The following ERC1 variants were observed in gnomAD, a reference collection of about 807,000 sequenced individuals.
The protein encoded by ERC1 is ELKS/RAB6-interacting/CAST family member 1, also known as RAB6 interacting protein 2.
Under a neutral mutation model 132.0 loss-of-function variants are expected in ERC1, and 56 were observed. The ratio of observed to expected loss-of-function variants is 0.42; its 90% CI spans 0.34 to 0.53. ERC1 has a LOEUF of 0.53. Among genes scored for constraint, ERC1 ranks in the 20% least tolerant of loss-of-function variants. The probability of loss-of-function intolerance (pLI) is 0.03; values close to 1 mark genes in which losing one functional copy is unlikely to be tolerated. For synonymous variants in ERC1, 478 were observed against 476.1 expected, an observed-to-expected ratio of 1.00 and a Z score of -0.05; for missense variants, 1,202 against 1,349.9, an observed-to-expected ratio of 0.89 and a Z score of 1.72.
intron 7 of ERC1, among the ~76,000 whole-genome samples, chr12:1,139,771 C>G (rs555703146): frequency 1.4e-5 from 2 of 145,188 alleles, no homozygotes; most frequent in African/African-American, 5.1e-5. Context: ...GAAAACAAAA[C>G]AAAACAAAAA....
Position 1,387,157 on chromosome 12 carries a change from G to A in ERC1, c.2925+15180G>A, listed in dbSNP as rs545879842. Among the ~76,000 whole-genome samples, 4 of 152,070 alleles carry A rather than the reference G, an allele frequency of 2.6e-5. No individual in the cohort carries two copies. The South Asian group carries it at 6.2e-4, about 24-fold the overall frequency. ...TTTTCTGTTTCGCATATTGACAGATGGAGAAGATGGATCATACTTAGTCTC... is the reference window on the plus strand; with the variant it reads ...TTTTCTGTTTCGCATATTGACAGATAGAGAAGATGGATCATACTTAGTCTC... On this transcript the variant is annotated intron_variant, in intron 16 of 18. Coordinates refer to ENST00000360905, the MANE Select transcript of ERC1 (RefSeq NM_178040.4).
intron 12 of ERC1, among the ~76,000 whole-genome samples, chr12:1,195,037 T>C (rs978721120): frequency 1.3e-5 from 2 of 152,120 alleles, no homozygotes; most frequent in Admixed American, 6.5e-5. Context: ...GATAAAGTTA[T>C]TGATATATGA....
intron 16 of ERC1, among the ~76,000 whole-genome samples, chr12:1,399,292 C>T (rs1031453321): frequency 1.3e-5 from 2 of 152,102 alleles, no homozygotes; most frequent in Admixed American, 1.3e-4. Flanking sequence ...TATTTACTTA[C>T]ATGGCTGCAC....
intron 8 of ERC1, 40 bp downstream of exon 8, chr12:1,141,827 A>C: frequency 6.9e-7 from 1 of 1,442,452 alleles, no homozygotes; most frequent in Non-Finnish European, 9.3e-7. Flanking sequence ...CCCATTCCTC[A>C]TACATCTTCA....
chr12:1,101,438 G>A (rs1944649149), intron 3 of ERC1, among the ~76,000 whole-genome samples: 1 of 152,232 alleles, frequency 6.6e-6, no homozygotes, highest in African/African-American at 2.4e-5. Context: ...TGCTGTTGGT[G>A]TGTCTGGAAG....
At chr12:1,147,850 A>G (rs1950518862) in intron 8 of ERC1, among the ~76,000 whole-genome samples, 1 of 152,204 alleles carries the variant, frequency 6.6e-6, no homozygotes, top group Non-Finnish European at 1.5e-5. Context: ...TAGGCTGATT[A>G]TACCCAAAAT....
At chr12:1,128,510 C>T (rs1005753252) in intron 7 of ERC1, among the ~76,000 whole-genome samples, 2 of 152,198 alleles carry the variant, frequency 1.3e-5, no homozygotes, top group African/African-American at 2.4e-5. Flanking sequence ...GTTAGGATTA[C>T]AGGCGTGAGG....
intron 18 of ERC1, among the ~76,000 whole-genome samples, chr12:1,466,865 T>G (rs904751654): frequency 1.3e-5 from 2 of 152,230 alleles, no homozygotes; most frequent in Non-Finnish European, 2.9e-5. Context: ...ATTATGGTAT[T>G]CTTCTACACT....
intron 16 of ERC1, among the ~76,000 whole-genome samples, chr12:1,372,212 A>C (rs2087325469): frequency 6.6e-6 from 1 of 152,150 alleles, no homozygotes; most frequent in South Asian, 2.1e-4. Flanking sequence ...CTTCTATGAG[A>C]ATGTTTTTTA....
intron 18 of ERC1, among the ~76,000 whole-genome samples, 180 bp from the exon 19 acceptor site, chr12:1,489,913 T>G (rs2094300426): frequency 6.6e-6 from 1 of 152,240 alleles, no homozygotes; most frequent in Admixed American, 6.5e-5. Context: ...ACTAACTTTT[T>G]GGGCCTCACT....
intron 1 of ERC1, among the ~76,000 whole-genome samples, chr12:1,010,480 CAAA>C (rs71055122): frequency 1.1e-5 from 1 of 93,458 alleles, no homozygotes; most frequent in Non-Finnish European, 2.2e-5. Context: ...ACTCTGTCTC[CAAA>C]AAAAAAAAAA....
intron 15 of ERC1, among the ~76,000 whole-genome samples, chr12:1,311,575 G>A (rs1470290118): frequency 6.6e-6 from 1 of 151,922 alleles, no homozygotes; most frequent in Non-Finnish European, 1.5e-5. Context: ...TTTTTCCCGT[G>A]AGCATCTGAA....
At chr12:1,434,598 C>T (rs140180653) in intron 17 of ERC1, among the ~76,000 whole-genome samples, 9 of 152,200 alleles carry the variant, frequency 5.9e-5, no homozygotes, top group South Asian at 2.1e-4. Flanking sequence ...GGGGCTGCCC[C>T]CCTTTGCCAC....
At chr12:1,268,881 C>T (rs146516246) in intron 14 of ERC1, among the ~76,000 whole-genome samples, 2 of 152,170 alleles carry the variant, frequency 1.3e-5, no homozygotes, top group East Asian at 3.9e-4. Flanking sequence ...TGGTTAGTAG[C>T]TACAGTTGAG....
chr12:1,333,367 T>C (rs745854817), intron 15 of ERC1, among the ~76,000 whole-genome samples: 2 of 141,148 alleles, frequency 1.4e-5, no homozygotes, highest in Admixed American at 7.6e-5. Flanking sequence ...GGAGTCTCAC[T>C]CTGTCGCCAG....
At chr12:1,306,131 T>G (rs961113265) in intron 15 of ERC1, among the ~76,000 whole-genome samples, 7 of 152,236 alleles carry the variant, frequency 4.6e-5, no homozygotes, top group African/African-American at 1.7e-4. Flanking sequence ...CTCAGCCTGC[T>G]CATGACATCC....
chr12:1,040,253 T>C (rs926447536), intron 2 of ERC1, among the ~76,000 whole-genome samples: 1 of 152,210 alleles, frequency 6.6e-6, no homozygotes. Flanking sequence ...GAAATGCTTT[T>C]ATGAACTGTT....
At chr12:1,006,026 T>G (rs1261737397) in intron 1 of ERC1, among the ~76,000 whole-genome samples, 1 of 151,830 alleles carries the variant, frequency 6.6e-6, no homozygotes, top group Non-Finnish European at 1.5e-5. Flanking sequence ...GGCATGATCT[T>G]GGCTCACTGC....
intron 15 of ERC1, among the ~76,000 whole-genome samples, chr12:1,307,646 T>C (rs1389708193): frequency 6.6e-6 from 1 of 152,238 alleles, no homozygotes; most frequent in Admixed American, 6.5e-5. Flanking sequence ...CCCCTTTAGT[T>C]AGTCACCAAT....
Sources: allele counts gnomAD v4.1 joint callset (sites outside exome capture counted in the v4.1 genomes callset), GRCh38; gene constraint gnomAD v4.1.1; transcripts MANE v1.5; gene names NCBI Gene and HGNC (gene_info 2026-07-23, HGNC 2026-07-21).